Variants in KCNIP4 observed in about 807,000 individuals in gnomAD.
KCNIP4 encodes the protein Kv channel-interacting protein 4.
Under a neutral mutation model 34.0 loss-of-function variants are expected in KCNIP4, and 12 were observed. The observed-to-expected ratio is 0.35, with a 90% CI of 0.23 to 0.57. The LOEUF is 0.57. Ranked by LOEUF, KCNIP4 falls within the 20% of genes least tolerant of loss-of-function variation. The pLI is 0.83. For synonymous variants in KCNIP4, 124 were observed against 102.2 expected (o/e 1.21, Z -1.29); for missense variants, 238 against 311.7 (o/e 0.76, Z 1.78).
At chr4:20,780,953 T>C (rs1756817376) in intron 3 of KCNIP4, among the ~76,000 whole-genome samples, 1 of 152,220 alleles carries the variant, frequency 6.6e-6, no homozygotes, top group South Asian at 2.1e-4. Flanking sequence ...CTTTACAGGG[T>C]GGCTACAAAG....
chr4:20,800,928 T>C (rs1714146491), intron 3 of KCNIP4, among the ~76,000 whole-genome samples: 2 of 152,192 alleles, frequency 1.3e-5, no homozygotes, highest in South Asian at 4.1e-4. Flanking sequence ...CAGATTCACT[T>C]AGCTCCAAGG....
intron 1 of KCNIP4, among the ~76,000 whole-genome samples, chr4:21,680,382 T>A (rs1181671447): frequency 6.6e-6 from 1 of 152,206 alleles, no homozygotes; most frequent in African/African-American, 2.4e-5. Flanking sequence ...CTCCAGCAAC[T>A]TCCTCCACTG....
intron 1 of KCNIP4, among the ~76,000 whole-genome samples, chr4:21,016,671 G>A (rs967514495): frequency 6.6e-6 from 1 of 152,022 alleles, no homozygotes; most frequent in East Asian, 1.9e-4. Context: ...GGAGTGCAGT[G>A]GTTCAATCTC....
chr4:21,443,021 C>T (rs1727623194), intron 1 of KCNIP4, among the ~76,000 whole-genome samples: 1 of 152,158 alleles, frequency 6.6e-6, no homozygotes, highest in South Asian at 2.1e-4. Flanking sequence ...ACATTTTCTT[C>T]TTTTTCTCTC....
intron 1 of KCNIP4, among the ~76,000 whole-genome samples, chr4:21,269,596 T>G (rs1308902859): frequency 6.6e-6 from 1 of 152,016 alleles, no homozygotes; most frequent in Non-Finnish European, 1.5e-5. Context: ...TGTAGCATCA[T>G]GTTGCCCAGG....
chr4:21,600,543 C>T (rs180701426), intron 1 of KCNIP4, among the ~76,000 whole-genome samples: 1 of 151,526 alleles, frequency 6.6e-6, no homozygotes, highest in Admixed American at 6.6e-5. Context: ...TTAGCGTAAA[C>T]TATAGTCATC....
intron 1 of KCNIP4, among the ~76,000 whole-genome samples, chr4:20,957,402 T>G (rs569407482): frequency 1.3e-5 from 2 of 152,328 alleles, no homozygotes; most frequent in African/African-American, 4.8e-5. Flanking sequence ...GATCCCATTT[T>G]ATAGTTCTGG....
chr4:21,755,116 G>A (rs1490811958), intron 1 of KCNIP4, among the ~76,000 whole-genome samples: 1 of 152,160 alleles, frequency 6.6e-6, no homozygotes, highest in Non-Finnish European at 1.5e-5. Context: ...CACTCCAGTG[G>A]AGACAGAGCA....
chr4:21,477,327 C>A (rs1168033701), intron 1 of KCNIP4, among the ~76,000 whole-genome samples: 3 of 152,230 alleles, frequency 2.0e-5, no homozygotes, highest in East Asian at 1.9e-4. Flanking sequence ...GTGTCTGAAG[C>A]AAACTTAATG....
chr4:21,289,861 A>G (rs941202406), intron 1 of KCNIP4, among the ~76,000 whole-genome samples: 1 of 152,070 alleles, frequency 6.6e-6, no homozygotes, highest in Non-Finnish European at 1.5e-5. Context: ...ACAGACTCCC[A>G]CTCTATACCC....
intron 1 of KCNIP4, among the ~76,000 whole-genome samples, chr4:21,637,568 C>T (rs34275287): frequency 0.17 from 25,508 of 149,844 alleles, 2,578 homozygotes; most frequent in South Asian, 0.25. Flanking sequence ...GGATGGCTTG[C>T]GGATAGGCAT....
intron 5 of KCNIP4, among the ~76,000 whole-genome samples, chr4:20,736,943 G>A (rs1749759753): frequency 6.6e-6 from 1 of 152,150 alleles, no homozygotes. Flanking sequence ...GTGTGGTACT[G>A]GCATAAAGAC....
chr4:21,085,058 T>A (rs1746298677), intron 1 of KCNIP4, among the ~76,000 whole-genome samples: 1 of 152,070 alleles, frequency 6.6e-6, no homozygotes, highest in Admixed American at 6.6e-5. Flanking sequence ...TTGAACCACA[T>A]TGTATGGACT....
intron 1 of KCNIP4, among the ~76,000 whole-genome samples, chr4:21,246,719 G>A (rs560702385): frequency 2.6e-5 from 4 of 152,196 alleles, no homozygotes; most frequent in Non-Finnish European, 5.9e-5. Flanking sequence ...CAGATGTAAG[G>A]TAACAGATCC....
intron 1 of KCNIP4, among the ~76,000 whole-genome samples, chr4:21,535,305 G>T (rs1473010822): frequency 2.6e-5 from 4 of 152,074 alleles, no homozygotes; most frequent in African/African-American, 9.7e-5. Flanking sequence ...TACTCAGAAG[G>T]CTTTATTTTT....
intron 1 of KCNIP4, among the ~76,000 whole-genome samples, chr4:21,015,988 A>G (rs1035145208): frequency 2.7e-5 from 4 of 146,050 alleles, no homozygotes; most frequent in African/African-American, 9.9e-5. Context: ...TACTATGCTT[A>G]AAAAATAAAA....
intron 1 of KCNIP4, among the ~76,000 whole-genome samples, chr4:21,633,684 C>T (rs1157664675): frequency 6.6e-6 from 1 of 152,006 alleles, no homozygotes; most frequent in African/African-American, 2.4e-5. Context: ...TTGACACTTT[C>T]AAAAATTATC....
At chr4:21,576,873 T>C (rs986841110) in intron 1 of KCNIP4, among the ~76,000 whole-genome samples, 1 of 152,136 alleles carries the variant, frequency 6.6e-6, no homozygotes, top group African/African-American at 2.4e-5. Flanking sequence ...TAAAATACTA[T>C]TCTATTTTAT....
intron 1 of KCNIP4, among the ~76,000 whole-genome samples, chr4:21,107,602 T>G (rs2109089881): frequency 6.7e-6 from 1 of 149,088 alleles, no homozygotes; most frequent in East Asian, 2.0e-4. Context: ...CATTTACATT[T>G]AAAGTTAATA....
Sources: gnomAD v4.1 joint callset for allele counts (sites outside exome capture counted in the v4.1 genomes callset) on GRCh38, gnomAD v4.1.1 for gene constraint, MANE v1.5 for transcripts, NCBI Gene and HGNC (gene_info 2026-07-23, HGNC 2026-07-21) for gene names.